Variants in MACF1 observed in about 807,000 individuals in gnomAD.
The protein encoded by MACF1 is microtubule-actin cross-linking factor 1.
In MACF1, 193 loss-of-function variants were observed where a neutral mutation model predicts 854.8. The observed-to-expected ratio is 0.23, with a 90% CI of 0.20 to 0.25. MACF1 has a LOEUF of 0.25. MACF1 is among the 10% of genes least tolerant of loss of function. The pLI is 1.00. For synonymous variants in MACF1, 3,185 were observed against 3,226.7 expected, an observed-to-expected ratio of 0.99 and a Z score of 0.44; for missense variants, 7,722 against 8,929.1, an observed-to-expected ratio of 0.86 and a Z score of 5.45.
intron 2 of MACF1, among the ~76,000 whole-genome samples, chr1:39,238,657 CAG>C (rs1252492097): frequency 1.3e-5 from 2 of 152,156 alleles, no homozygotes; most frequent in Non-Finnish European, 2.9e-5. Context: ...TGTGTGATGA[CAG>C]GAAGCTCAGG....
intron 19 of MACF1, 32 bp downstream of exon 19, chr1:39,295,182 T>A (rs1198642959): frequency 6.5e-7 from 1 of 1,533,262 alleles, no homozygotes; most frequent in Non-Finnish European, 9.0e-7. Flanking sequence ...GAAGGTCAAA[T>A]GCTGAGAGGT....
Position 39,477,084 on chromosome 1 carries a change from T to TACATACACACAC in MACF1, c.21959-2713_21959-2712insCATACACACACA, listed in dbSNP as rs1557675073. ...ATATATATATATATATATATATATATATATATACACACACACACATATATA... is the reference window on the plus strand; with the variant it reads ...ATATATATATATATATATATATATATACATACACACACATATATACACACACACACATATATA... On this transcript the variant is annotated intron_variant, in intron 97 of 100. Coordinates refer to ENST00000564288, the MANE Select transcript of MACF1 (RefSeq NM_001394062.1). Among the ~76,000 whole-genome samples, 15 of 12,796 alleles carry TACATACACACAC rather than the reference T, an allele frequency of 1.2e-3. 1 individual carries two copies. Among genetic ancestry groups the TACATACACACAC allele is most frequent in the African/African-American group, 3.9e-3 (14 of 3,596 alleles). The allele number at this position is 12,796 out of a possible 152,430, so 8.4% of individuals were successfully genotyped here.
chr1:39,415,062 TGTTG>T (rs1643235143), intron 58 of MACF1, among the ~76,000 whole-genome samples: 1 of 152,210 alleles, frequency 6.6e-6, no homozygotes, highest in South Asian at 2.1e-4. Context: ...CAAATAGGTA[TGTTG>T]GTTGGTTGAA....
At position 39,331,477 on chromosome 1, in the gene MACF1, G is replaced by A. The variant is rs988175713; in HGVS notation, c.4889G>A (p.Gly1630Asp). The A allele has an allele frequency of 1.9e-6, 3 of 1,614,016 alleles. No individual in the cohort carries two copies. Among genetic ancestry groups the A allele is most frequent in the African/African-American group, 2.7e-5 (2 of 74,914 alleles). Residue 1630 changes from glycine (G) to aspartate (D), a missense_variant, in exon 37 of 101, where the codon GGC becomes GAC. By Grantham distance (94) the Gly-to-Asp change is moderately conservative. This residue lies in a region of MACF1 where 1,531 missense variants were observed against 1,601.6 expected (regional missense o/e 0.96). Transcript: ENST00000564288. ...ATAAGCAGGCTTACTGAGAGCAGAG[G>A]CCCTCTTTCTGTGGTGGAAGCAATT... ...ALISRLTESR[G>D]PLSVVEAIEK...
chr1:39,336,634 A>T lies in MACF1; in HGVS notation c.10046A>T (p.Glu3349Val). Residue 3349 changes from glutamate (E) to valine (V), a missense_variant, in exon 37 of 101, where the codon GAG (glutamate) becomes GTG (valine). Transcript: ENST00000564288. ...EGKGNGGVNP[E>V]PFRATQNVFT... ...AAGGGAAATGGAGGTGTAAACCCAG[A>T]GCCCTTCAGAGCAACTCAGGTCAGT... 1.2e-6 allele frequency: 2 copies of T among 1,606,934 alleles called. No homozygotes were observed. Among genetic ancestry groups the T allele is most frequent in the Non-Finnish European group, 1.7e-6 (2 of 1,178,130 alleles).
intron 40 of MACF1, among the ~76,000 whole-genome samples, chr1:39,344,520 T>C (rs1229854674): frequency 1.3e-5 from 2 of 152,030 alleles, no homozygotes; most frequent in Non-Finnish European, 2.9e-5. Context: ...GAGATCCAAG[T>C]GTGCTGTCTG....
At chr1:39,102,983 A>G (rs1400660001) in intron 2 of MACF1, 4 of 700,720 alleles carry the variant, frequency 5.7e-6, no homozygotes, top group Non-Finnish European at 1.0e-5. Context: ...TCAGCCAAAC[A>G]TGTGGACTTC....
chr1:39,459,037 T>C, intron 90 of MACF1, 49 bp from the exon 91 acceptor site: 2 of 1,505,882 alleles, frequency 1.3e-6, no homozygotes, highest in Non-Finnish European at 1.8e-6. Context: ...GCTATTTCTC[T>C]TTGTATACTA....
chr1:39,273,071 C>A (rs772508834), intron 6 of MACF1, among the ~76,000 whole-genome samples: 89 of 152,152 alleles, frequency 5.8e-4, no homozygotes, highest in Middle Eastern at 3.4e-3. Flanking sequence ...ACTTCTGCTG[C>A]CAAGCTCCTG....
At chr1:39,257,135 GC>G (rs974334914) in intron 5 of MACF1, among the ~76,000 whole-genome samples, 1 of 152,120 alleles carries the variant, frequency 6.6e-6, no homozygotes, top group Non-Finnish European at 1.5e-5. Flanking sequence ...ATTCATAATT[GC>G]CAAAATCTAG....
At chr1:39,464,938 T>A in intron 94 of MACF1, 157 bp from the exon 95 acceptor site, 9 of 680,352 alleles carry the variant, frequency 1.3e-5, no homozygotes, top group East Asian at 2.7e-5. Context: ...TAAAACCACA[T>A]CCCTGTGGCA....
intron 2 of MACF1, among the ~76,000 whole-genome samples, chr1:39,118,780 C>T (rs1042062892): frequency 3.3e-5 from 5 of 152,120 alleles, no homozygotes; most frequent in Non-Finnish European, 5.9e-5. Flanking sequence ...GGCTAATAAG[C>T]GCAGAAAATA....
rs1643588955 is a variant in MACF1 at position 39,422,741 on chromosome 1, A to G, written c.15990A>G (p.Arg5330=). 1 of 1,614,072 alleles carries G rather than the reference A, an allele frequency of 6.2e-7. No homozygotes were observed. Among genetic ancestry groups the G allele is most frequent in the Non-Finnish European group, 8.5e-7 (1 of 1,180,008 alleles). ...TGTTCATGATACAGGTCGCACAAAG[A>G]ATTGCACAGCTACAGGAAGCTTTGT... ...WNTLNKKVAQ[R]IAQLQEALLH... Residue 5330 remains arginine (R), a synonymous_variant, in exon 60 of 101, where the codon AGA becomes AGG. Transcript: ENST00000564288.
At chr1:39,464,909 CAAA>C (rs5773660) in intron 94 of MACF1, 183 bp from the exon 95 acceptor site, 2,199 of 448,740 alleles carry the variant, frequency 4.9e-3, no homozygotes, top group Middle Eastern at 7.2e-3. Context: ...GCGAGACTCT[CAAA>C]AAAAAAAAAA....
In MACF1 at chr1:39,442,856, C is replaced by T; in HGVS notation, c.19247C>T (p.Ser6416Leu). The change falls in exon 78 of 101, where the codon TCA becomes TTA. Residue 6416 changes from serine to leucine, a missense_variant. Coordinates refer to ENST00000564288, the MANE Select transcript of MACF1 (RefSeq NM_001394062.1). ...GAAGCCATGAACCAATGCTGGGAGTCAGTGTTACAGAAAACAGAGGAGAGG... is the reference window on the plus strand; with the variant it reads ...GAAGCCATGAACCAATGCTGGGAGTTAGTGTTACAGAAAACAGAGGAGAGG... ...RLEAMNQCWE[S>L]VLQKTEEREQ... 2 of 1,613,972 alleles carry T rather than the reference C, an allele frequency of 1.2e-6. No individual in the cohort carries two copies. Among genetic ancestry groups the T allele is most frequent in the Non-Finnish European group, 1.7e-6 (2 of 1,179,924 alleles).
Position 39,437,994 on chromosome 1 carries a change from A to T in MACF1, c.18206A>T (p.Asp6069Val). The part of the protein sequence containing the change: ...LIGRSQGADK[D>V]LAAKEIQDKL... ...GGACGATCTCAGGGAGCAGACAAGGATCTGGCTGCAAAAGGTGCTTGATGA... is the reference window on the plus strand; with the variant it reads ...GGACGATCTCAGGGAGCAGACAAGGTTCTGGCTGCAAAAGGTGCTTGATGA... The change falls in exon 71 of 101, where the codon GAT becomes GTT. Residue 6069 changes from aspartate (D) to valine (V), a missense_variant. Asp to Val is a radical substitution (Grantham distance 152). Transcript: ENST00000564288. The T allele has an allele frequency of 2.5e-6, 4 of 1,613,994 alleles. No homozygotes were observed. The highest frequency in any genetic ancestry group is 3.4e-6 in the Non-Finnish European group (4 of 1,179,956).
intron 20 of MACF1, among the ~76,000 whole-genome samples, chr1:39,297,265 A>G (rs897978831): frequency 1.1e-4 from 17 of 152,138 alleles, no homozygotes; most frequent in African/African-American, 3.9e-4. Context: ...ATTATTTCAT[A>G]GTATGAATTG....
At chr1:39,477,566 G>A (rs2124206439) in intron 97 of MACF1, among the ~76,000 whole-genome samples, 1 of 152,130 alleles carries the variant, frequency 6.6e-6, no homozygotes, top group African/African-American at 2.4e-5. Flanking sequence ...GGTTGTCAGT[G>A]ACCTTTGCCA....
At chr1:39,298,059 A>G (rs1257584610) in intron 21 of MACF1, among the ~76,000 whole-genome samples, 1 of 152,052 alleles carries the variant, frequency 6.6e-6, no homozygotes, top group Non-Finnish European at 1.5e-5. Flanking sequence ...AGTTGGAGCC[A>G]AGGATGAGGT....
Sources: allele counts gnomAD v4.1 joint callset (sites outside exome capture counted in the v4.1 genomes callset), GRCh38; gene constraint gnomAD v4.1.1; regional missense constraint gnomAD v4.1.1; transcripts MANE v1.5; gene names NCBI Gene and HGNC (gene_info 2026-07-23, HGNC 2026-07-21).